GNAS: variants seen among roughly 807,000 people sequenced by gnomAD.
GNAS encodes protein ALEX.
GNAS carries 8 observed loss-of-function variants against 54.5 expected under a neutral mutation model. That is an observed-to-expected ratio of 0.15 (90% confidence interval 0.09 to 0.26). GNAS has a LOEUF of 0.26. Among genes scored for constraint, GNAS ranks in the 10% least tolerant of loss-of-function variants. The pLI is 1.00. For missense variants in GNAS, 170 were observed against 529.8 expected (o/e 0.32, Z 6.67); for synonymous variants, 204 against 191.4 (o/e 1.07, Z -0.54).
intron 1 of GNAS, among the ~76,000 whole-genome samples, chr20:58,893,232 A>AT (rs1486574414): frequency 1.3e-5 from 2 of 149,040 alleles, no homozygotes; most frequent in East Asian, 3.9e-4. Context: ...TTTGATTGCG[A>AT]TTTTTCCTCT....
rs368741499 is a variant in GNAS, at chr20:58,903,716, G to A, written c.357G>A (p.Leu119=). ...AMSNLVPPVE[L]ANPENQFRVD... ...GCAACCTGGTGCCCCCCGTGGAGCT[G>A]GCCAACCCCGAGAACCAGTTCAGAG... is the stretch of plus-strand genomic sequence containing the variant. The change falls in exon 5 of 13, where the codon CTG becomes CTA. Residue 119 remains leucine (L), a synonymous_variant. Transcript: ENST00000371085. 108 of 1,613,774 alleles carry A rather than the reference G, an allele frequency of 6.7e-5. No homozygotes were observed. The highest frequency in any genetic ancestry group is 6.7e-5 in the Non-Finnish European group (79 of 1,179,856).
At chr20:58,891,896 C>T in intron 1 of GNAS, 31 bp downstream of exon 1, 1 of 1,061,782 alleles carries the variant, frequency 9.4e-7, no homozygotes, top group Non-Finnish European at 1.2e-6. Context: ...CCGGCCCCGG[C>T]CCGGGGGCCC....
intron 1 of GNAS, chr20:58,855,896 T>C (rs1477152109): frequency 3.9e-6 from 2 of 515,188 alleles, no homozygotes; most frequent in African/African-American, 3.8e-5. Context: ...TGTGTACTTG[T>C]ACTTGGGAAC....
At chr20:58,889,306 G>GGGCGGCCGGCA (rs1299440353), upstream of GNAS, 2 of 990,034 alleles carry the variant, frequency 2.0e-6, no homozygotes, top group Non-Finnish European at 1.2e-6. Context: ...GGGCGGCGGC[G>GGGCGGCCGGCA]GGCGGCCGGC....
chr20:58,910,482 A>G lies in GNAS; in HGVS notation c.1038+81A>G. 8.0e-7 allele frequency: 1 copy of G among 1,253,354 alleles called. No homozygotes were observed. The highest frequency in any genetic ancestry group is 1.7e-5 in the Admixed American group (1 of 58,318). 77.6% of individuals were successfully genotyped at this position (1,253,354 alleles called of 1,614,324 possible). On this transcript the variant is annotated intron_variant, in intron 12 of 12. Coordinates refer to ENST00000371085, the MANE Select transcript of GNAS (RefSeq NM_000516.7). This position sits in a 1 kb window ranked among gnomAD's most constrained non-coding sequence, Gnocchi z 5.8. ...TGTAAATTTACTTAATTCCAAATTC[A>G]GGGGTTCAGCTACCCAGTTCCATGG...
rs1208631303 is a variant in GNAS at position 58,873,875 on chromosome 20, A to C, written c.44-21737A>C. On this transcript the variant is annotated intron_variant, in intron 1 of 12. Transcript: ENST00000306090. The surrounding 1 kb of genome is among the most constrained non-coding windows in gnomAD (Gnocchi z 4.3). ...GATTACACAGGGAATAAATAAGGAA[A>C]GATGGAAAGATTGTCAACCAAAAGA... Among the ~76,000 whole-genome samples, 2 of 152,240 alleles carry C rather than the reference A, an allele frequency of 1.3e-5. No individual in the cohort carries two copies. Among genetic ancestry groups the C allele is most frequent in the African/African-American group, 4.8e-5 (2 of 41,464 alleles).
At chr20:58,893,272 A>T (rs1040253585) in intron 1 of GNAS, among the ~76,000 whole-genome samples, 6 of 151,938 alleles carry the variant, frequency 3.9e-5, no homozygotes, top group African/African-American at 1.4e-4. Context: ...AAATAAAAAA[A>T]GGTTAACTAT....
chr20:58,890,226 G>A (rs1340329633), upstream of GNAS, among the ~76,000 whole-genome samples: 1 of 151,288 alleles, frequency 6.6e-6, no homozygotes, highest in East Asian at 1.9e-4. Context: ...GGTGCCAGAA[G>A]CCCAGGAGGA....
chr20:58,855,255 A>T, intron 1 of GNAS: 1 of 1,589,394 alleles, frequency 6.3e-7, no homozygotes, highest in African/African-American at 1.3e-5. Flanking sequence ...CGCAGAGAAG[A>T]AACGCAGTAA....
upstream of GNAS, chr20:58,840,800 G>C: frequency 6.2e-7 from 1 of 1,612,414 alleles, no homozygotes; most frequent in Non-Finnish European, 8.5e-7. This position sits in a 1 kb window ranked among gnomAD's most constrained non-coding sequence, Gnocchi z 6.0. Flanking sequence ...CGCGTCCCCG[G>C]AGTCCCCTTC....
intron 1 of GNAS, chr20:58,842,011 C>A: frequency 2.3e-6 from 2 of 853,428 alleles, no homozygotes; most frequent in South Asian, 5.9e-5. Flanking sequence ...CTTGGACGAT[C>A]AGTCGTCGAA....
At chr20:58,850,960 G>A (rs2086144105) in intron 1 of GNAS, 5 of 398,674 alleles carry the variant, frequency 1.3e-5, no homozygotes, top group South Asian at 1.3e-4. Flanking sequence ...CATTCGCCAG[G>A]CAGCCTTGAT....
intron 3 of GNAS, 79 bp downstream of exon 3, chr20:58,899,064 G>A: frequency 9.4e-7 from 1 of 1,066,742 alleles, no homozygotes; most frequent in Non-Finnish European, 1.5e-6. Flanking sequence ...TGAGGCCAGA[G>A]ACCCGGGAAG....
At chr20:58,864,928 GACACACACAC>G (rs144642876) in intron 1 of GNAS, among the ~76,000 whole-genome samples, 1 of 138,838 alleles carries the variant, frequency 7.2e-6, no homozygotes, top group Admixed American at 7.2e-5. Context: ...CTACCTACCA[GACACACACAC>G]ACACACACAC....
At chr20:58,896,789 C>G (rs536977400) in intron 2 of GNAS, among the ~76,000 whole-genome samples, 1 of 152,042 alleles carries the variant, frequency 6.6e-6, no homozygotes, top group Non-Finnish European at 1.5e-5. Context: ...AACTTGGATT[C>G]GATTGAAAAT....
Position 58,854,863 on chromosome 20 carries a change from C to G in GNAS, c.43+13977C>G, listed in dbSNP as rs1164871723. ...AAGATCCATCTCAGACCCCCCAGCC[C>G]CGAGATCCAGGCTGCCGATCCGCCT... On this transcript the variant is annotated intron_variant, in intron 1 of 12. Coordinates refer to the GNAS transcript ENST00000306090. 13 of 1,596,858 alleles carry G rather than the reference C, an allele frequency of 8.1e-6. No homozygotes were observed. Among genetic ancestry groups the G allele is most frequent in the Non-Finnish European group, 1.0e-5 (12 of 1,175,770 alleles).
At chr20:58,904,572 C>T (rs1293488205) in intron 5 of GNAS, among the ~76,000 whole-genome samples, 3 of 152,088 alleles carry the variant, frequency 2.0e-5, no homozygotes, top group Admixed American at 1.3e-4. Context: ...AAGATGTATG[C>T]GTTTGTAAGA....
chr20:58,855,595 C>G (rs1568930500), intron 1 of GNAS: 4 of 717,060 alleles, frequency 5.6e-6, no homozygotes, highest in Non-Finnish European at 1.0e-5. Context: ...TCGTTTCCGG[C>G]TGGACAGGCC....
At position 58,903,524 on chromosome 20, in the gene GNAS, A is replaced by C. The variant is rs1183884518; in HGVS notation, c.258-7A>C. 5.0e-6 allele frequency: 8 copies of C among 1,611,658 alleles called. No homozygotes were observed. In the Admixed American group the frequency reaches 8.3e-5, roughly 17 times the overall value. The stretch of plus-strand genomic sequence containing the variant: ...ATGATTTTCTTTTCTTTTCAATCCC[A>C]CTGCAGTGAGAAGGCAACCAAAGTG... On this transcript the variant is annotated splice_polypyrimidine_tract_variant and splice_region_variant and intron_variant, in intron 3 of 12. Coordinates refer to ENST00000371085, the MANE Select transcript of GNAS (RefSeq NM_000516.7).
Sources: allele counts gnomAD v4.1 joint callset (sites outside exome capture counted in the v4.1 genomes callset), GRCh38; gene constraint gnomAD v4.1.1; non-coding constraint Gnocchi (gnomAD v3.1); transcripts MANE v1.5; gene names NCBI Gene and HGNC (gene_info 2026-07-23, HGNC 2026-07-21).